Variants in RALGAPB observed in about 807,000 individuals in gnomAD.
RALGAPB encodes the protein Ral GTPase activating protein non-catalytic subunit beta, also known as ral GTPase-activating protein subunit beta.
RALGAPB carries 25 observed loss-of-function variants against 161.1 expected under a neutral mutation model. That is an observed-to-expected ratio of 0.16 (90% CI 0.11 to 0.22). The LOEUF (loss-of-function observed/expected upper bound fraction) is 0.22. Ranked by LOEUF, RALGAPB falls within the 10% of genes least tolerant of loss-of-function variation. The pLI, the probability that RALGAPB is intolerant of heterozygous loss-of-function variation, is 1.00. For missense variants in RALGAPB, 1,391 were observed against 1,815.2 expected, an observed-to-expected ratio of 0.77 and a Z score of 4.25; for synonymous variants, 629 against 626.1, an observed-to-expected ratio of 1.00 and a Z score of -0.07.
rs386393725 is a variant in RALGAPB, at chr20:38,482,426, CTTTTTTTT to C, written c.-30-5965_-30-5958del. Among the ~76,000 whole-genome samples the C allele has an allele frequency of 7.4e-5, 9 of 121,386 alleles. No homozygotes were observed. In the Admixed American group the frequency reaches 7.7e-4, roughly 10 times the overall value. 79.6% of individuals were successfully genotyped at this position (121,386 alleles called of 152,430 possible). ...TCTTTAGTCACAGCTGTATGTTTAT[CTTTTTTTT>C]TTTTTTTTTTTGAGACAGAGTCTTG... On this transcript the variant is annotated intron_variant, in intron 1 of 29. Coordinates refer to ENST00000262879, the MANE Select transcript of RALGAPB (RefSeq NM_020336.4).
intron 16 of RALGAPB, 107 bp downstream of exon 16, chr20:38,535,314 A>G: frequency 7.6e-7 from 1 of 1,313,208 alleles, no homozygotes; most frequent in Non-Finnish European, 1.0e-6. Flanking sequence ...ATCATGCTCA[A>G]ACATAGTTTA....
At chr20:38,559,766 C>G (rs955806277) in intron 23 of RALGAPB, among the ~76,000 whole-genome samples, 1 of 151,804 alleles carries the variant, frequency 6.6e-6, no homozygotes, top group Non-Finnish European at 1.5e-5. Flanking sequence ...AAGAGAAGGA[C>G]GAAGAAAAAT....
At chr20:38,480,381 CTTTCTTTTTTTT>C (rs2084930676) in intron 1 of RALGAPB, among the ~76,000 whole-genome samples, 2 of 92,116 alleles carry the variant, frequency 2.2e-5, no homozygotes, top group African/African-American at 6.1e-5. Flanking sequence ...TCTTTTCTTT[CTTTCTTTTTTTT>C]TTTTTTTTTT....
chr20:38,492,908 A>G (rs2085319735), intron 2 of RALGAPB, 22 bp from the exon 3 acceptor site: 1 of 1,556,080 alleles, frequency 6.4e-7, no homozygotes, highest in African/African-American at 1.4e-5. Flanking sequence ...ATAATTCTAT[A>G]TGGATATTTT....
chr20:38,512,485 G>A (rs1824865069), intron 6 of RALGAPB, among the ~76,000 whole-genome samples: 1 of 152,232 alleles, frequency 6.6e-6, no homozygotes, highest in Non-Finnish European at 1.5e-5. Context: ...TATAAGTATT[G>A]AAGAAGAAAA....
intron 2 of RALGAPB, 73 bp downstream of exon 2, chr20:38,488,691 CT>C (rs1281960732): frequency 2.9e-6 from 4 of 1,397,934 alleles, no homozygotes; most frequent in Middle Eastern, 4.7e-4. Flanking sequence ...TTAATGTTAA[CT>C]TTTTTGTTCT....
chr20:38,474,178 G>A (rs1232456780), intron 1 of RALGAPB, among the ~76,000 whole-genome samples: 1 of 152,176 alleles, frequency 6.6e-6, no homozygotes, highest in Non-Finnish European at 1.5e-5. Flanking sequence ...CCTCTGGGTC[G>A]TTTTTACATA....
At chr20:38,498,344 A>G (rs1024136440) in intron 4 of RALGAPB, among the ~76,000 whole-genome samples, 4 of 152,230 alleles carry the variant, frequency 2.6e-5, no homozygotes, top group Non-Finnish European at 4.4e-5. Context: ...TATATAAACT[A>G]TAAGTTGATC....
chr20:38,538,009 T>C (rs41276948), intron 16 of RALGAPB: 6,045 of 156,634 alleles, frequency 0.039, 189 homozygotes, highest in African/African-American at 0.092. Context: ...GGGAAAGCTT[T>C]ATGCTGAAAA....
intron 26 of RALGAPB, among the ~76,000 whole-genome samples, chr20:38,567,912 A>G (rs901228117): frequency 3.3e-5 from 5 of 152,138 alleles, no homozygotes; most frequent in African/African-American, 1.2e-4. Flanking sequence ...GGAGGTTTTT[A>G]CCTTTAAAAT....
In RALGAPB at chr20:38,517,956, A is replaced by G. The variant is rs2086181924; in HGVS notation, c.1373A>G (p.His458Arg). 3 of 1,613,882 alleles carry G rather than the reference A, an allele frequency of 1.9e-6. No homozygotes were observed. Among genetic ancestry groups the G allele is most frequent in the African/African-American group, 2.7e-5 (2 of 75,046 alleles). ...GSWLFDAAFV[H>R]CKLHNGINRD... Reference sequence around the variant, plus strand: ...TGGTTATTTGATGCAGCATTTGTTCACTGTAAACTTCATAATGGGATAAAC... The same window carrying G: ...TGGTTATTTGATGCAGCATTTGTTCGCTGTAAACTTCATAATGGGATAAAC... Residue 458 changes from histidine to arginine, a missense_variant, in exon 9 of 30, where the codon CAC (histidine) becomes CGC (arginine). His to Arg is a conservative substitution (Grantham distance 29). Coordinates refer to ENST00000262879, the MANE Select transcript of RALGAPB (RefSeq NM_020336.4).
chr20:38,480,693 A>T (rs189961051), intron 1 of RALGAPB, among the ~76,000 whole-genome samples: 3 of 137,328 alleles, frequency 2.2e-5, no homozygotes, highest in African/African-American at 8.1e-5. Context: ...TGGCTCTTCT[A>T]TGTATTTTGT....
chr20:38,530,280 G>C (rs960567388), intron 13 of RALGAPB, among the ~76,000 whole-genome samples: 13 of 152,210 alleles, frequency 8.5e-5, no homozygotes, highest in African/African-American at 3.1e-4. Flanking sequence ...AATGATTACA[G>C]TAGTGCAGTA....
intron 28 of RALGAPB, among the ~76,000 whole-genome samples, chr20:38,572,501 T>C (rs2088277522): frequency 6.6e-6 from 1 of 152,214 alleles, no homozygotes; most frequent in Admixed American, 6.5e-5. Flanking sequence ...TGCATCTCTC[T>C]CATCACAGAG....
chr20:38,574,256 A>C lies in RALGAPB; in HGVS notation c.4249A>C (p.Ile1417Leu), dbSNP rs2088350127. The change falls in exon 29 of 30, where the codon ATC (isoleucine) becomes CTC (leucine). Residue 1417 changes from isoleucine (I) to leucine (L), a missense_variant. Ile to Leu is a conservative substitution (Grantham distance 5). This residue lies in a region of RALGAPB where 436 missense variants were observed against 527.0 expected (regional missense o/e 0.83). Transcript: ENST00000262879. The stretch of plus-strand genomic sequence containing the variant: ...AGCCACTGGAAAATTTAATATGGTC[A>C]TCCCTCTTGTGGATGGGATGATTGT... ...QGATGKFNMV[I>L]PLVDGMIVSR... 1 of 1,613,822 alleles carries C rather than the reference A, an allele frequency of 6.2e-7. No homozygotes were observed.
At position 38,517,888 on chromosome 20, in the gene RALGAPB, T is replaced by C. The variant is rs1017198991; in HGVS notation, c.1305T>C (p.Pro435=). 1.9e-6 allele frequency: 3 copies of C among 1,613,768 alleles called. No homozygotes were observed. Among genetic ancestry groups the C allele is most frequent in the Admixed American group, 1.7e-5 (1 of 59,996 alleles). ...TSSEPRPLPA[P]RRPKVNSILN... ...CAGAACCCCGGCCACTGCCTGCCCC[T>C]CGGAGACCAAAGGTTAACAGCATCT... The change falls in exon 9 of 30, where the codon CCT becomes CCC. Residue 435 remains proline (P), a synonymous_variant. Transcript: ENST00000262879.
chr20:38,514,857 G>A (rs2086079633), intron 6 of RALGAPB, among the ~76,000 whole-genome samples: 1 of 152,218 alleles, frequency 6.6e-6, no homozygotes, highest in Admixed American at 6.5e-5. Context: ...ATTGGGAACT[G>A]CAGGAATGCA....
intron 1 of RALGAPB, among the ~76,000 whole-genome samples, chr20:38,474,847 A>G (rs2084758636): frequency 2.0e-5 from 3 of 152,160 alleles, no homozygotes; most frequent in South Asian, 4.1e-4. Flanking sequence ...ACTCAGTGGA[A>G]TGTTTGGGTC....
intron 16 of RALGAPB, 93 bp from the exon 17 acceptor site, chr20:38,539,683 T>C: frequency 8.2e-7 from 1 of 1,216,642 alleles, no homozygotes; most frequent in South Asian, 1.5e-5. Context: ...GTGTATGACA[T>C]TGTCAAATAG....
Sources: gnomAD v4.1 joint callset for allele counts (sites outside exome capture counted in the v4.1 genomes callset) on GRCh38, gnomAD v4.1.1 for gene constraint, gnomAD v4.1.1 regional missense constraint, MANE v1.5 for transcripts, NCBI Gene and HGNC (gene_info 2026-07-23, HGNC 2026-07-21) for gene names.